Variants in L2HGDH observed in about 807,000 individuals in gnomAD.
The protein encoded by L2HGDH is L-2-hydroxyglutarate dehydrogenase, also known as L-2-hydroxyglutarate dehydrogenase, mitochondrial.
In L2HGDH, 34 loss-of-function variants were observed where a neutral mutation model predicts 51.5. The observed-to-expected ratio is 0.66, with a 90% confidence interval of 0.50 to 0.88. L2HGDH has a LOEUF of 0.88. Ranked by LOEUF, L2HGDH falls within the 40% of genes least tolerant of loss-of-function variation. L2HGDH has a pLI of 0.00. For synonymous variants in L2HGDH, 198 were observed against 197.9 expected (o/e 1.00, Z -0.01); for missense variants, 558 against 571.9 (o/e 0.98, Z 0.25).
intron 3 of L2HGDH, among the ~76,000 whole-genome samples, chr14:50,298,346 G>T (rs1595139610): frequency 6.6e-6 from 1 of 150,842 alleles, no homozygotes; most frequent in African/African-American, 2.4e-5. Context: ...ACAGAGTTTC[G>T]CTCTTGTTGC....
chr14:50,258,161 C>T (rs1476501097), intron 9 of L2HGDH, among the ~76,000 whole-genome samples: 1 of 151,676 alleles, frequency 6.6e-6, no homozygotes, highest in Non-Finnish European at 1.5e-5. Context: ...ATTATACACA[C>T]ACAGCCAATC....
At chr14:50,254,646 T>C (rs1361608914) in intron 9 of L2HGDH, among the ~76,000 whole-genome samples, 3 of 152,118 alleles carry the variant, frequency 2.0e-5, no homozygotes, top group African/African-American at 4.8e-5. Flanking sequence ...TAAAAATGTC[T>C]ACACTTATTT....
intron 3 of L2HGDH, among the ~76,000 whole-genome samples, chr14:50,298,157 T>C (rs555515124): frequency 7.9e-5 from 12 of 151,518 alleles, no homozygotes; most frequent in East Asian, 3.9e-4. Flanking sequence ...GGCTGGAGAA[T>C]TGCTTGAACC....
At position 50,267,858 on chromosome 14, in the gene L2HGDH, T is replaced by A. The variant is rs761781514; in HGVS notation, c.959A>T (p.Asp320Val). Residue 320 changes from aspartate to valine, a missense_variant, in exon 8 of 10, where the codon GAT becomes GTT. Around this residue, in one of 3 missense-constraint regions of L2HGDH, gnomAD observed 321 missense variants for 311.8 expected, o/e 1.03. Transcript: ENST00000267436. ...FLGVHFTPRM[D>V]GSIWLGPNAV... ...ATTAGGCCCTAGCCAAATACTGCCA[T>A]CCATCCTTGGTGTGAAGTGAACTCC... The A allele has an allele frequency of 6.2e-7, 1 of 1,614,012 alleles. No individual in the cohort carries two copies. The highest frequency in any genetic ancestry group is 1.3e-5 in the African/African-American group (1 of 74,950).
At chr14:50,282,007 A>G (rs546168462) in intron 5 of L2HGDH, among the ~76,000 whole-genome samples, 2 of 152,128 alleles carry the variant, frequency 1.3e-5, no homozygotes, top group East Asian at 3.9e-4. Context: ...TGCCCAGCTA[A>G]GTTTTTGTAT....
At chr14:50,261,115 TAA>T (rs550735275) in intron 9 of L2HGDH, among the ~76,000 whole-genome samples, 3 of 142,658 alleles carry the variant, frequency 2.1e-5, no homozygotes, top group Non-Finnish European at 3.1e-5. Context: ...AGACTCCGTC[TAA>T]AAAAAAAAAA....
intron 5 of L2HGDH, among the ~76,000 whole-genome samples, chr14:50,279,649 G>C (rs2140006985): frequency 6.6e-6 from 1 of 151,162 alleles, no homozygotes; most frequent in South Asian, 2.1e-4. Context: ...AGACAAGCAT[G>C]GACAACATAG....
chr14:50,295,296 G>A (rs2029963343), intron 3 of L2HGDH, among the ~76,000 whole-genome samples: 1 of 152,158 alleles, frequency 6.6e-6, no homozygotes, highest in African/African-American at 2.4e-5. Flanking sequence ...GACCACTTGA[G>A]CCCAGGAGTT....
chr14:50,285,676 A>G (rs921713407), intron 4 of L2HGDH, among the ~76,000 whole-genome samples: 3 of 152,206 alleles, frequency 2.0e-5, no homozygotes, highest in Admixed American at 6.5e-5. Context: ...TTCTCAATCA[A>G]TAGTTTTTTG....
At chr14:50,297,824 G>T (rs2030154563) in intron 3 of L2HGDH, among the ~76,000 whole-genome samples, 1 of 152,094 alleles carries the variant, frequency 6.6e-6, no homozygotes, top group African/African-American at 2.4e-5. Flanking sequence ...CAGGCATAGT[G>T]GTTCACACCT....
At chr14:50,286,504 T>C (rs1272385304) in intron 4 of L2HGDH, among the ~76,000 whole-genome samples, 3 of 152,208 alleles carry the variant, frequency 2.0e-5, no homozygotes, top group East Asian at 3.8e-4. Context: ...AACTTCTTTC[T>C]GGGTGGCCTG....
intron 6 of L2HGDH, among the ~76,000 whole-genome samples, chr14:50,275,262 C>T (rs983881091): frequency 1.3e-5 from 2 of 152,110 alleles, no homozygotes; most frequent in African/African-American, 2.4e-5. Flanking sequence ...AGGTGATCAG[C>T]GACATGGACT....
At chr14:50,311,502 T>C (rs1157094870) in intron 1 of L2HGDH, 1 of 456,042 alleles carries the variant, frequency 2.2e-6, no homozygotes, top group Non-Finnish European at 4.4e-6. Context: ...GGACACTGAA[T>C]TCTGCGGGCT....
intron 9 of L2HGDH, among the ~76,000 whole-genome samples, chr14:50,259,368 T>TGA (rs1566506693): frequency 1.2e-3 from 39 of 32,564 alleles, no homozygotes; most frequent in African/African-American, 2.9e-3. Context: ...CTTTTTCGGT[T>TGA]TTTTTTTTTT....
chr14:50,295,502 G>C (rs2139196046), intron 3 of L2HGDH, among the ~76,000 whole-genome samples: 1 of 151,578 alleles, frequency 6.6e-6, no homozygotes, highest in South Asian at 2.1e-4. Context: ...GACTTCCCGA[G>C]CTCAGGTGAT....
intron 7 of L2HGDH, 92 bp from the exon 8 acceptor site, chr14:50,268,002 T>C (rs1889444336): frequency 4.2e-6 from 5 of 1,185,030 alleles, no homozygotes; most frequent in Non-Finnish European, 6.3e-6. Context: ...AACACTTTCT[T>C]CTCATGCATT....
intron 9 of L2HGDH, among the ~76,000 whole-genome samples, chr14:50,263,911 G>A (rs754985465): frequency 1.3e-5 from 2 of 151,246 alleles, no homozygotes; most frequent in Non-Finnish European, 2.9e-5. Flanking sequence ...AAATAGCTGG[G>A]ATTACAGGCA....
At chr14:50,251,238 A>G (rs1888330020) in intron 9 of L2HGDH, among the ~76,000 whole-genome samples, 1 of 152,194 alleles carries the variant, frequency 6.6e-6, no homozygotes, top group Admixed American at 6.6e-5. Context: ...ATGCTGAAGA[A>G]TATATCAGAG....
At chr14:50,292,439 G>A (rs1195753701) in intron 4 of L2HGDH, among the ~76,000 whole-genome samples, 2 of 152,258 alleles carry the variant, frequency 1.3e-5, no homozygotes, top group Admixed American at 6.5e-5. Context: ...AGGGCCAGGC[G>A]CTCACGCCTG....
Sources: gnomAD v4.1 joint callset for allele counts (sites outside exome capture counted in the v4.1 genomes callset) on GRCh38, gnomAD v4.1.1 for gene constraint, gnomAD v4.1.1 regional missense constraint, MANE v1.5 for transcripts, NCBI Gene and HGNC (gene_info 2026-07-23, HGNC 2026-07-21) for gene names.